Variants in ANO4 observed in about 807,000 individuals in gnomAD.
ANO4 encodes the protein anoctamin-4.
ANO4 carries 69 observed loss-of-function variants against 141.9 expected under a neutral mutation model. That is an observed-to-expected ratio of 0.49 (90% CI 0.40 to 0.59). The LOEUF (loss-of-function observed/expected upper bound fraction) is 0.59, where lower values mean the gene tolerates loss of function less well. ANO4 is among the 20% of genes least tolerant of loss of function. The probability of loss-of-function intolerance (pLI) is 0.00; values close to 1 mark genes in which losing one functional copy is unlikely to be tolerated. For synonymous variants in ANO4, 350 were observed against 394.3 expected, an observed-to-expected ratio of 0.89 and a Z score of 1.33; for missense variants, 894 against 1,162.2, an observed-to-expected ratio of 0.77 and a Z score of 3.36.
At chr12:100,926,038 G>A (rs868307381) in intron 3 of ANO4, among the ~76,000 whole-genome samples, 73 of 151,740 alleles carry the variant, frequency 4.8e-4, no homozygotes, top group African/African-American at 1.6e-3. Context: ...CCATTTTAAA[G>A]GTGAAAAAAC....
At chr12:100,798,481 A>G (rs1481018224) in intron 1 of ANO4, among the ~76,000 whole-genome samples, 1 of 152,204 alleles carries the variant, frequency 6.6e-6, no homozygotes, top group Non-Finnish European at 1.5e-5. Context: ...TGTATAAAAT[A>G]GGAGAAATGC....
intron 1 of ANO4, among the ~76,000 whole-genome samples, chr12:100,819,239 A>G (rs1306194274): frequency 6.6e-6 from 1 of 151,860 alleles, no homozygotes; most frequent in Non-Finnish European, 1.5e-5. Flanking sequence ...CTAATTCAGC[A>G]TTCCCAAATG....
intron 5 of ANO4, among the ~76,000 whole-genome samples, chr12:100,951,615 T>C (rs1361666272): frequency 2.6e-5 from 4 of 152,212 alleles, no homozygotes; most frequent in Non-Finnish European, 5.9e-5. Flanking sequence ...TTTTTACTTA[T>C]AAATGGGAGC....
chr12:100,801,648 G>C (rs997772728), intron 1 of ANO4, among the ~76,000 whole-genome samples: 2 of 150,984 alleles, frequency 1.3e-5, no homozygotes, highest in African/African-American at 4.9e-5. Context: ...TAAGGCAGGG[G>C]GTAGAAAGGG....
intron 1 of ANO4, among the ~76,000 whole-genome samples, chr12:100,818,143 A>G (rs2135726074): frequency 6.6e-6 from 1 of 151,982 alleles, no homozygotes; most frequent in Non-Finnish European, 1.5e-5. Flanking sequence ...TTACATTTAC[A>G]TTTCATTTGT....
At chr12:100,953,137 C>T (rs1029601109) in intron 5 of ANO4, among the ~76,000 whole-genome samples, 1 of 152,180 alleles carries the variant, frequency 6.6e-6, no homozygotes. Context: ...CATTATGTGC[C>T]ACATGTGGGC....
chr12:100,758,286 T>C (rs1386444654), intron 3 of ANO4, among the ~76,000 whole-genome samples: 1 of 152,204 alleles, frequency 6.6e-6, no homozygotes, highest in Non-Finnish European at 1.5e-5. Flanking sequence ...GATGGTGGCC[T>C]TGGTGTGTAA....
At chr12:100,809,715 C>T (rs2035281174) in intron 1 of ANO4, among the ~76,000 whole-genome samples, 1 of 152,168 alleles carries the variant, frequency 6.6e-6, no homozygotes, top group Non-Finnish European at 1.5e-5. Flanking sequence ...AGAGGTTGTG[C>T]TATATTCTGT....
chr12:100,802,674 G>T (rs1028186146), intron 1 of ANO4, among the ~76,000 whole-genome samples: 4 of 152,128 alleles, frequency 2.6e-5, no homozygotes, highest in African/African-American at 9.7e-5. Context: ...CACGTACTAT[G>T]TTTCAGCTTC....
intron 3 of ANO4, among the ~76,000 whole-genome samples, chr12:100,744,368 C>T (rs2032009599): frequency 6.6e-6 from 1 of 152,134 alleles, no homozygotes; most frequent in South Asian, 2.1e-4. Context: ...AAGATTAGGG[C>T]ACTGACCGAT....
At chr12:101,115,302 C>T (rs984795822) in intron 24 of ANO4, among the ~76,000 whole-genome samples, 41 of 152,092 alleles carry the variant, frequency 2.7e-4, no homozygotes, top group South Asian at 1.5e-3. Context: ...TAAGAAGTTA[C>T]GTAAATCGGG....
intron 1 of ANO4, among the ~76,000 whole-genome samples, chr12:100,837,648 A>C (rs2037001210): frequency 1.4e-5 from 2 of 146,670 alleles, no homozygotes; most frequent in South Asian, 4.6e-4. Context: ...TCTCCCTGGG[A>C]GTTCAAGATT....
intron 5 of ANO4, among the ~76,000 whole-genome samples, chr12:100,953,629 A>G (rs963707376): frequency 1.3e-5 from 2 of 152,226 alleles, no homozygotes; most frequent in Non-Finnish European, 2.9e-5. Flanking sequence ...AAATAAATAT[A>G]TCAGATGTAA....
At chr12:100,998,379 T>TTATG in intron 8 of ANO4, among the ~76,000 whole-genome samples, 1 of 148,882 alleles carries the variant, frequency 6.7e-6, no homozygotes, top group African/African-American at 2.5e-5. Context: ...AAACTCCCCT[T>TTATG]TATCTATCTA....
chr12:100,845,684 G>A (rs1424014700), intron 1 of ANO4, among the ~76,000 whole-genome samples: 1 of 152,082 alleles, frequency 6.6e-6, no homozygotes, highest in Non-Finnish European at 1.5e-5. Context: ...TTAAGAAAAA[G>A]CACAATTACT....
chr12:100,976,403 C>A (rs1487983207), intron 7 of ANO4, among the ~76,000 whole-genome samples: 1 of 152,186 alleles, frequency 6.6e-6, no homozygotes, highest in African/African-American at 2.4e-5. Flanking sequence ...ATTGGCAGTT[C>A]TTTCATTAAG....
chr12:100,861,398 T>A (rs2373385), intron 1 of ANO4, among the ~76,000 whole-genome samples: 14,973 of 152,190 alleles, frequency 0.098, 859 homozygotes, highest in South Asian at 0.17. Context: ...TACTGAATAG[T>A]GTAGGCAATT....
chr12:101,099,897 T>A (rs2050127599), intron 22 of ANO4, among the ~76,000 whole-genome samples, 177 bp downstream of exon 22: 1 of 152,192 alleles, frequency 6.6e-6, no homozygotes. Flanking sequence ...GGAATCAGAT[T>A]TCTCTGGAAT....
chr12:101,116,848 G>A (rs538976137), intron 25 of ANO4, 50 bp downstream of exon 25: 227 of 1,612,590 alleles, frequency 1.4e-4, no homozygotes, highest in Admixed American at 1.8e-4. Context: ...TGGCTCCACC[G>A]TGGGGAGGTT....
Sources: gnomAD v4.1 joint callset for allele counts (sites outside exome capture counted in the v4.1 genomes callset) on GRCh38, gnomAD v4.1.1 for gene constraint, MANE v1.5 for transcripts, NCBI Gene and HGNC (gene_info 2026-07-23, HGNC 2026-07-21) for gene names.